OSBPL1A: variants seen among roughly 807,000 people sequenced by gnomAD.
OSBPL1A encodes oxysterol-binding protein-related protein 1.
OSBPL1A carries 80 observed loss-of-function variants against 137.1 expected under a neutral mutation model. That is an observed-to-expected ratio of 0.58 (90% CI 0.49 to 0.70). The LOEUF (loss-of-function observed/expected upper bound fraction) is 0.70. Ranked by LOEUF, OSBPL1A falls within the 30% of genes least tolerant of loss-of-function variation. The pLI, the probability that OSBPL1A is intolerant of heterozygous loss-of-function variation, is 0.00. For missense variants in OSBPL1A, 970 were observed against 1,129.4 expected (o/e 0.86, Z 2.02); for synonymous variants, 365 against 389.7 (o/e 0.94, Z 0.75).
intron 17 of OSBPL1A, among the ~76,000 whole-genome samples, chr18:24,210,008 A>G (rs2087485152): frequency 6.6e-6 from 1 of 152,226 alleles, no homozygotes; most frequent in South Asian, 2.1e-4. Context: ...TACTTTCACT[A>G]TATAAAAATT....
intron 15 of OSBPL1A, among the ~76,000 whole-genome samples, chr18:24,244,912 T>C (rs1182480425): frequency 1.3e-5 from 2 of 152,164 alleles, no homozygotes; most frequent in African/African-American, 4.8e-5. Flanking sequence ...GAATAAGTGA[T>C]TATTATTCAC....
intron 15 of OSBPL1A, among the ~76,000 whole-genome samples, chr18:24,266,151 C>T (rs2089565735): frequency 6.6e-6 from 1 of 152,170 alleles, no homozygotes; most frequent in South Asian, 2.1e-4. Flanking sequence ...AAAAGGGTCC[C>T]TGTTACTGAA....
intron 1 of OSBPL1A, among the ~76,000 whole-genome samples, chr18:24,386,779 T>C (rs1022028868): frequency 2.4e-4 from 37 of 152,008 alleles, no homozygotes; most frequent in African/African-American, 8.9e-4. Context: ...GGGCAACCTA[T>C]CAAGACCCCA....
intron 7 of OSBPL1A, among the ~76,000 whole-genome samples, chr18:24,330,320 T>C (rs2146138928): frequency 6.6e-6 from 1 of 152,268 alleles, no homozygotes; most frequent in South Asian, 2.1e-4. Context: ...TTTCTGATAA[T>C]CTTCCCTCTG....
At chr18:24,364,041 T>C (rs2146190257) in intron 4 of OSBPL1A, among the ~76,000 whole-genome samples, 1 of 152,260 alleles carries the variant, frequency 6.6e-6, no homozygotes, top group Middle Eastern at 3.4e-3. Flanking sequence ...CTCAACTCCA[T>C]CTGCAACTTT....
intron 12 of OSBPL1A, 111 bp downstream of exon 12, chr18:24,314,138 A>G (rs1311644701): frequency 1.6e-6 from 1 of 627,546 alleles, no homozygotes; most frequent in Non-Finnish European, 2.6e-6. Flanking sequence ...TAAAAAAATT[A>G]AAAGTACAAT....
In OSBPL1A at chr18:24,348,753, A is replaced by C. The variant is rs146116237; in HGVS notation, c.283-7095T>G. Among the ~76,000 whole-genome samples, 383 of 152,202 alleles carry C rather than the reference A, an allele frequency of 2.5e-3. 6 individuals are homozygous for C. Among genetic ancestry groups the C allele is most frequent in the Non-Finnish European group, 9.3e-4 (63 of 68,012 alleles). ...CGCACAACTGCACTCCAGCCTGGGC[A>C]ACAGACTGAGACTGTCTCAAAAAAG... On this transcript the variant is annotated intron_variant, in intron 4 of 27. Transcript: ENST00000319481.
intron 5 of OSBPL1A, among the ~76,000 whole-genome samples, chr18:24,334,573 C>T (rs1331204073): frequency 6.6e-6 from 1 of 152,064 alleles, no homozygotes; most frequent in Non-Finnish European, 1.5e-5. Context: ...CAATAACCAT[C>T]AAAACTAATT....
intron 7 of OSBPL1A, among the ~76,000 whole-genome samples, chr18:24,326,679 T>G (rs559051749): frequency 4.6e-4 from 70 of 152,370 alleles, no homozygotes; most frequent in African/African-American, 1.1e-3. Context: ...CCATCCCATC[T>G]GATGCCTAAT....
At chr18:24,364,428 C>T (rs377070603) in intron 4 of OSBPL1A, among the ~76,000 whole-genome samples, 1 of 152,234 alleles carries the variant, frequency 6.6e-6, no homozygotes, top group Admixed American at 6.5e-5. Context: ...AGGCTCACCA[C>T]TAGGCTACAC....
At chr18:24,266,134 G>C (rs532725461) in intron 15 of OSBPL1A, among the ~76,000 whole-genome samples, 2 of 152,182 alleles carry the variant, frequency 1.3e-5, no homozygotes, top group South Asian at 4.1e-4. Context: ...CAGAGTCAAA[G>C]AGCAAGAAAA....
At chr18:24,290,211 C>T (rs1239821521) in intron 14 of OSBPL1A, among the ~76,000 whole-genome samples, 2 of 151,994 alleles carry the variant, frequency 1.3e-5, no homozygotes, top group African/African-American at 2.4e-5. Context: ...ATAAAGACAC[C>T]GAATAAAACA....
intron 17 of OSBPL1A, among the ~76,000 whole-genome samples, chr18:24,221,255 T>C (rs1474674441): frequency 6.6e-6 from 1 of 152,230 alleles, no homozygotes; most frequent in Non-Finnish European, 1.5e-5. Context: ...CGTGGGTGCA[T>C]TCCTTGTGTA....
intron 4 of OSBPL1A, among the ~76,000 whole-genome samples, chr18:24,363,464 T>TTTTTA (rs2091656374): frequency 6.7e-6 from 1 of 149,630 alleles, no homozygotes; most frequent in African/African-American, 2.5e-5. Flanking sequence ...TTTTTTTTTT[T>TTTTTA]GAGATAGAAT....
chr18:24,231,477 A>G (rs1293129660), intron 16 of OSBPL1A, among the ~76,000 whole-genome samples: 2 of 152,104 alleles, frequency 1.3e-5, no homozygotes, highest in Non-Finnish European at 2.9e-5. Context: ...TTTAGTAGAG[A>G]TGGGGTTTCA....
chr18:24,270,735 AC>A (rs753215186), intron 15 of OSBPL1A, among the ~76,000 whole-genome samples: 81 of 151,678 alleles, frequency 5.3e-4, no homozygotes, highest in Middle Eastern at 3.4e-3. Context: ...GTATTTAGAC[AC>A]CCCCCACCCC....
chr18:24,381,384 TA>T (rs1419307285), intron 1 of OSBPL1A, among the ~76,000 whole-genome samples: 3 of 152,194 alleles, frequency 2.0e-5, no homozygotes, highest in South Asian at 2.1e-4. Flanking sequence ...GGGTTCTTGC[TA>T]AAACCGGATT....
intron 1 of OSBPL1A, among the ~76,000 whole-genome samples, chr18:24,378,298 T>C (rs1182171703): frequency 6.6e-6 from 1 of 152,210 alleles, no homozygotes; most frequent in Non-Finnish European, 1.5e-5. Context: ...GAAACAATGC[T>C]GGCATGGGCA....
intron 7 of OSBPL1A, among the ~76,000 whole-genome samples, chr18:24,327,349 T>C (rs1164607904): frequency 1.3e-5 from 2 of 152,092 alleles, no homozygotes; most frequent in Non-Finnish European, 2.9e-5. Flanking sequence ...CCACCCGCCA[T>C]GGCCTGCCAA....
Sources: allele counts gnomAD v4.1 joint callset (sites outside exome capture counted in the v4.1 genomes callset), GRCh38; gene constraint gnomAD v4.1.1; transcripts MANE v1.5; gene names NCBI Gene and HGNC (gene_info 2026-07-23, HGNC 2026-07-21).